ALS2CL: variants seen among roughly 807,000 people sequenced by gnomAD.
ALS2CL encodes ALS2 C-terminal like.
In ALS2CL, 112 loss-of-function variants were observed where a neutral mutation model predicts 127.9. The ratio of observed to expected loss-of-function variants is 0.88; its 90% CI spans 0.75 to 1.02. The LOEUF (loss-of-function observed/expected upper bound fraction) is 1.02, where lower values mean the gene tolerates loss of function less well. Ranked by LOEUF, ALS2CL falls within the 50% of genes least tolerant of loss-of-function variation. The pLI, the probability that ALS2CL is intolerant of heterozygous loss-of-function variation, is 0.00. For synonymous variants in ALS2CL, 519 were observed against 527.6 expected (o/e 0.98, Z 0.22); for missense variants, 1,174 against 1,236.7 (o/e 0.95, Z 0.76).
chr3:46,688,082 C>A lies in ALS2CL; in HGVS notation c.302+16G>T, dbSNP rs377599484. ...ACACCAGGGATGAGCCCCAGCCCCA[C>A]CTCCAGTGGTCTTACTCTATGTGGG... On this transcript the variant is annotated intron_variant, in intron 3 of 25. Transcript: ENST00000318962. 3 of 1,609,888 alleles carry A rather than the reference C, an allele frequency of 1.9e-6. No homozygotes were observed. Among genetic ancestry groups the A allele is most frequent in the Middle Eastern group, 3.3e-4 (2 of 6,054 alleles).
chr3:46,680,692 G>T (rs1699247883), intron 13 of ALS2CL, 151 bp from the exon 14 acceptor site: 1 of 660,112 alleles, frequency 1.5e-6, no homozygotes, highest in Non-Finnish European at 2.6e-6. Flanking sequence ...GAGAGGTCAG[G>T]ACCCCCAAGA....
At chr3:46,689,580 C>T in intron 1 of ALS2CL, 115 bp from the exon 2 acceptor site, 2 of 650,418 alleles carry the variant, frequency 3.1e-6, no homozygotes, top group Non-Finnish European at 5.2e-6. Context: ...CAGAACTGAG[C>T]AGTGAGCCCA....
chr3:46,685,712 C>A, intron 6 of ALS2CL, 68 bp from the exon 7 acceptor site: 2 of 1,553,802 alleles, frequency 1.3e-6, no homozygotes, highest in East Asian at 2.4e-5. Flanking sequence ...GCCACTCTGC[C>A]ACCTCCCAAT....
At position 46,671,883 on chromosome 3, in the gene ALS2CL, C is replaced by G; in HGVS notation, c.2684+1G>C. On this transcript the variant is annotated splice_donor_variant, in intron 24 of 25. Coordinates refer to ENST00000318962, the MANE Select transcript of ALS2CL (RefSeq NM_147129.5). LOFTEE classifies it high-confidence loss of function. ...GCACCCCCAGCTCCTGACTGCCTCA[C>G]CGGGCGCGCGACACCACGTAGATGA... The G allele has an allele frequency of 6.2e-7, 1 of 1,613,714 alleles. No homozygotes were observed. Among genetic ancestry groups the G allele is most frequent in the Non-Finnish European group, 8.5e-7 (1 of 1,179,976 alleles).
In ALS2CL at chr3:46,670,125, T is replaced by C. The variant is rs1253984953; in HGVS notation, c.*859A>G. The C allele has an allele frequency of 6.6e-6, 1 of 152,188 alleles. No individual in the cohort carries two copies. The highest frequency in any genetic ancestry group is 1.5e-5 in the Non-Finnish European group (1 of 68,060). 9.4% of individuals were successfully genotyped at this position (152,188 alleles called of 1,614,324 possible). A position where few individuals can be genotyped will look rare whatever the true frequency, so the allele number is the denominator to read the frequency against. On this transcript the variant is annotated 3_prime_UTR_variant, in exon 26 of 26. Transcript: ENST00000318962. The surrounding 1 kb of genome is among the most constrained non-coding windows in gnomAD (Gnocchi z 5.5). ...TCACCCGGCACAATGTGACGGAAGA[T>C]AAACTGTGTGGGGAAGAGAAACTGA...
intron 6 of ALS2CL, 85 bp from the exon 7 acceptor site, chr3:46,685,729 C>G (rs1183316296): frequency 2.6e-6 from 4 of 1,520,708 alleles, no homozygotes; most frequent in Admixed American, 2.0e-5. Context: ...CAATGTACCC[C>G]AGACACCTCC....
intron 18 of ALS2CL, 59 bp from the exon 19 acceptor site, chr3:46,676,461 G>A (rs1050070917): frequency 2.5e-5 from 40 of 1,603,732 alleles, no homozygotes; most frequent in Middle Eastern, 1.7e-4. Flanking sequence ...AGCACAGCAT[G>A]CCCACACCAG....
intron 22 of ALS2CL, 81 bp from the exon 23 acceptor site, chr3:46,672,282 GT>G: frequency 3.3e-6 from 5 of 1,527,244 alleles, no homozygotes; most frequent in East Asian, 2.3e-5. Context: ...CCGGGCCTGA[GT>G]CCCCCGCCAC....
chr3:46,676,764 A>G, intron 17 of ALS2CL, 26 bp from the exon 18 acceptor site: 1 of 1,612,252 alleles, frequency 6.2e-7, no homozygotes, highest in Non-Finnish European at 8.5e-7. Context: ...AGCATCCCTC[A>G]CCCACACCTC....
chr3:46,689,877 C>CAGGGTCATACTGTCAG (rs1700053724), intron 1 of ALS2CL, among the ~76,000 whole-genome samples: 1 of 152,200 alleles, frequency 6.6e-6, no homozygotes, highest in African/African-American at 2.4e-5. Flanking sequence ...TCTCTATAAA[C>CAGGGTCATACTGTCAG]AGGGTCATAC....
In ALS2CL at chr3:46,671,870, CCTGA is replaced by C. The variant is rs1276577319; in HGVS notation, c.2684+10_2684+13del. 1 of 1,613,238 alleles carries C rather than the reference CCTGA, an allele frequency of 6.2e-7. No individual in the cohort carries two copies. The highest frequency in any genetic ancestry group is 8.5e-7 in the Non-Finnish European group (1 of 1,179,934). On this transcript the variant is annotated intron_variant, in intron 24 of 25. Transcript: ENST00000318962. ...CTGCCCCTGCCCTGCACCCCCAGCT[CCTGA>C]CTGCCTCACCGGGCGCGCGACACCA...
rs1014305326 is a variant in ALS2CL at position 46,674,461 on chromosome 3, G to C, written c.2429+105C>G. 21 of 1,399,590 alleles carry C rather than the reference G, an allele frequency of 1.5e-5. No individual in the cohort carries two copies. In the Admixed American group the frequency reaches 4.6e-4, roughly 31 times the overall value. The allele number at this position is 1,399,590 out of a possible 1,614,324, so 86.7% of individuals were successfully genotyped here. A position where few individuals can be genotyped will look rare whatever the true frequency, so the allele number is the denominator to read the frequency against. The stretch of plus-strand genomic sequence containing the variant: ...ACCTGAATGCATAAGCTTAGAACTT[G>C]GTGGGTACATGAACCTATCAACCCC... On this transcript the variant is annotated intron_variant, in intron 21 of 25. Coordinates refer to ENST00000318962, the MANE Select transcript of ALS2CL (RefSeq NM_147129.5).
intron 1 of ALS2CL, among the ~76,000 whole-genome samples, chr3:46,690,571 C>T (rs1386638382): frequency 6.6e-6 from 1 of 152,250 alleles, no homozygotes; most frequent in African/African-American, 2.4e-5. Flanking sequence ...AAGCCCTCCC[C>T]TACCAGACCC....
intron 18 of ALS2CL, 27 bp downstream of exon 18, chr3:46,676,615 C>T: frequency 1.2e-6 from 2 of 1,609,596 alleles, no homozygotes; most frequent in Non-Finnish European, 1.7e-6. Flanking sequence ...AATGTCACCC[C>T]CTTGGCCACC....
chr3:46,685,593 G>A lies in ALS2CL; in HGVS notation c.718C>T (p.Pro240Ser). 6.2e-7 allele frequency: 1 copy of A among 1,614,042 alleles called. No individual in the cohort carries two copies. Among genetic ancestry groups the A allele is most frequent in the Non-Finnish European group, 8.5e-7 (1 of 1,179,970 alleles). Residue 240 changes from proline (P) to serine (S), a missense_variant, in exon 7 of 26, where the codon CCC becomes TCC. Coordinates refer to ENST00000318962, the MANE Select transcript of ALS2CL (RefSeq NM_147129.5). ...GCCCGCAACGGTGCGACCGTCACGG[G>A]TACGTCCTGGCTGTCCTGAAGGAGT... ...HRLLQDSQDV[P>S]VTVAPLRAER...
chr3:46,689,249 G>A, intron 2 of ALS2CL, 89 bp downstream of exon 2: 4 of 1,347,530 alleles, frequency 3.0e-6, no homozygotes, highest in Non-Finnish European at 2.1e-6. Context: ...TGAGAAAGCT[G>A]TGGCTCAGCA....
intron 8 of ALS2CL, 45 bp downstream of exon 8, chr3:46,683,944 G>A: frequency 1.2e-6 from 2 of 1,612,478 alleles, no homozygotes; most frequent in Non-Finnish European, 8.5e-7. Context: ...TGTCATGGGG[G>A]TAAAGGGAAG....
chr3:46,677,447 G>T, intron 16 of ALS2CL: 2 of 977,604 alleles, frequency 2.0e-6, no homozygotes, highest in Non-Finnish European at 2.5e-6. Flanking sequence ...CTGGGGCCTG[G>T]CTGCGCATGT....
intron 1 of ALS2CL, among the ~76,000 whole-genome samples, chr3:46,692,558 C>T (rs1259681552): frequency 6.6e-6 from 1 of 152,230 alleles, no homozygotes; most frequent in Non-Finnish European, 1.5e-5. Context: ...ACTTCTGGCT[C>T]CAGCCCACCA....
Sources: allele counts gnomAD v4.1 joint callset (sites outside exome capture counted in the v4.1 genomes callset), GRCh38; gene constraint gnomAD v4.1.1; non-coding constraint Gnocchi (gnomAD v3.1); transcripts MANE v1.5; gene names NCBI Gene and HGNC (gene_info 2026-07-23, HGNC 2026-07-21).